TM6SF1: variants seen among roughly 807,000 people sequenced by gnomAD.
TM6SF1 encodes the protein transmembrane 6 superfamily member 1.
In TM6SF1, 43 loss-of-function variants were observed where a neutral mutation model predicts 47.1. The observed-to-expected ratio is 0.91, with a 90% CI of 0.72 to 1.18. The LOEUF (loss-of-function observed/expected upper bound fraction) is 1.18, where lower values mean the gene tolerates loss of function less well. Among genes scored for constraint, TM6SF1 ranks in the 50% most tolerant of loss-of-function variants. TM6SF1 has a pLI of 0.00. For synonymous variants in TM6SF1, 177 were observed against 166.3 expected (o/e 1.06, Z -0.49); for missense variants, 390 against 449.0 (o/e 0.87, Z 1.19).
intron 9 of TM6SF1, chr15:83,130,213 G>T (rs2036126738): frequency 6.6e-6 from 1 of 152,298 alleles, no homozygotes; most frequent in African/African-American, 2.4e-5. Flanking sequence ...ACATGGCCAG[G>T]GTCAACAGTC....
At chr15:83,112,103 C>T (rs1013546789) in intron 1 of TM6SF1, among the ~76,000 whole-genome samples, 32 of 152,196 alleles carry the variant, frequency 2.1e-4, no homozygotes, top group African/African-American at 5.8e-4. Flanking sequence ...GTCCTTGGTG[C>T]CACTCCCTTT....
At position 83,119,699 on chromosome 15, in the gene TM6SF1, G is replaced by GT; in HGVS notation, c.398+19dup. On this transcript the variant is annotated intron_variant, in intron 4 of 9. Transcript: ENST00000322019. ...GCATGGGAGTAAGTCAGTTCACCTGGTGTGTGCCTTTGCCACCTTAGCAAC... is the reference window on the plus strand; with the variant it reads ...GCATGGGAGTAAGTCAGTTCACCTGGTTGTGTGCCTTTGCCACCTTAGCAAC... 3.7e-6 allele frequency: 6 copies of GT among 1,613,632 alleles called. No individual in the cohort carries two copies. Among genetic ancestry groups the GT allele is most frequent in the Non-Finnish European group, 5.1e-6 (6 of 1,179,794 alleles).
At chr15:83,108,033 G>A in intron 1 of TM6SF1, 1 of 636,848 alleles carries the variant, frequency 1.6e-6, no homozygotes, top group Non-Finnish European at 2.3e-6. Flanking sequence ...AGGTGCCCGG[G>A]GTCACAGGCG....
chr15:83,125,861 AG>A (rs1162746935), intron 7 of TM6SF1, among the ~76,000 whole-genome samples: 1 of 152,200 alleles, frequency 6.6e-6, no homozygotes, highest in African/African-American at 2.4e-5. Flanking sequence ...TGAAATGTCA[AG>A]AAACTTTCTG....
At chr15:83,110,316 T>C (rs1282558000) in intron 1 of TM6SF1, among the ~76,000 whole-genome samples, 1 of 152,126 alleles carries the variant, frequency 6.6e-6, no homozygotes, top group Non-Finnish European at 1.5e-5. Context: ...TTTCTCATCC[T>C]GGGGTTAGTC....
intron 3 of TM6SF1, among the ~76,000 whole-genome samples, chr15:83,117,161 C>T (rs904222022): frequency 2.0e-5 from 3 of 152,124 alleles, no homozygotes; most frequent in Non-Finnish European, 4.4e-5. Flanking sequence ...TGGACATTTC[C>T]AGATGGACCA....
chr15:83,130,154 C>T (rs573603916), intron 9 of TM6SF1: 1 of 152,380 alleles, frequency 6.6e-6, no homozygotes, highest in East Asian at 1.9e-4. Flanking sequence ...CTGGTCAAGT[C>T]TCAGGAGACA....
At chr15:83,109,386 C>G (rs952799681) in intron 1 of TM6SF1, among the ~76,000 whole-genome samples, 6 of 152,176 alleles carry the variant, frequency 3.9e-5, no homozygotes, top group African/African-American at 1.4e-4. Flanking sequence ...TAGGTTTTGG[C>G]CTCAGCCACT....
intron 3 of TM6SF1, among the ~76,000 whole-genome samples, chr15:83,117,785 C>T (rs1248455862): frequency 1.3e-5 from 2 of 152,034 alleles, no homozygotes; most frequent in Non-Finnish European, 2.9e-5. Context: ...AGTAGAGGAA[C>T]AACATGCCAA....
chr15:83,135,596 C>G (rs1044710726), intron 9 of TM6SF1: 1 of 152,138 alleles, frequency 6.6e-6, no homozygotes, highest in African/African-American at 2.4e-5. Flanking sequence ...CTGCTGTGGT[C>G]TGTTTTACCC....
intron 5 of TM6SF1, 150 bp downstream of exon 5, chr15:83,122,153 T>A: frequency 4.2e-6 from 3 of 707,950 alleles, no homozygotes; most frequent in Non-Finnish European, 7.1e-6. Flanking sequence ...TTCTCACCTT[T>A]AAAAAAAGTA....
chr15:83,128,882 G>A (rs531524588), intron 9 of TM6SF1: 4 of 152,182 alleles, frequency 2.6e-5, no homozygotes, highest in Admixed American at 6.5e-5. Context: ...CCAGGCTGGA[G>A]TGTGATGGCA....
chr15:83,128,362 A>G (rs1218621506), intron 9 of TM6SF1: 1 of 152,240 alleles, frequency 6.6e-6, no homozygotes, highest in Non-Finnish European at 1.5e-5. Flanking sequence ...AAATTAGCAT[A>G]GTAGTATCGA....
chr15:83,134,827 C>G (rs930707541), intron 9 of TM6SF1: 1 of 152,218 alleles, frequency 6.6e-6, no homozygotes, highest in Non-Finnish European at 1.5e-5. Flanking sequence ...CAGAAAAACA[C>G]TATTATTCAA....
intron 8 of TM6SF1, 41 bp downstream of exon 8, chr15:83,126,888 T>C: frequency 6.5e-7 from 1 of 1,538,236 alleles, no homozygotes; most frequent in Non-Finnish European, 8.9e-7. Flanking sequence ...TAAAATTAAT[T>C]TTCTTTTTAA....
chr15:83,120,587 C>CTTT (rs993490763), intron 4 of TM6SF1, among the ~76,000 whole-genome samples: 9 of 125,922 alleles, frequency 7.1e-5, no homozygotes, highest in South Asian at 2.8e-4. Flanking sequence ...CCAGCTAATT[C>CTTT]TTTTTTTTTT....
intron 6 of TM6SF1, among the ~76,000 whole-genome samples, chr15:83,124,286 A>G (rs1053317162): frequency 1.3e-5 from 2 of 152,142 alleles, no homozygotes; most frequent in Admixed American, 1.3e-4. Flanking sequence ...ATGTGTGTGT[A>G]TATATGTATG....
At chr15:83,117,203 C>T (rs2034742715) in intron 3 of TM6SF1, among the ~76,000 whole-genome samples, 1 of 152,166 alleles carries the variant, frequency 6.6e-6, no homozygotes, top group Admixed American at 6.5e-5. Context: ...AGAGAAGGGA[C>T]AGCTTGGGCA....
At chr15:83,119,343 C>T (rs2151355401) in intron 3 of TM6SF1, among the ~76,000 whole-genome samples, 1 of 152,352 alleles carries the variant, frequency 6.6e-6, no homozygotes, top group Middle Eastern at 3.4e-3. Flanking sequence ...GTTGATGCAT[C>T]ATGGGCCAAT....
Sources: gnomAD v4.1 joint callset for allele counts (sites outside exome capture counted in the v4.1 genomes callset) on GRCh38, gnomAD v4.1.1 for gene constraint, MANE v1.5 for transcripts, NCBI Gene and HGNC (gene_info 2026-07-23, HGNC 2026-07-21) for gene names.